TDRD3: variants seen among roughly 807,000 people sequenced by gnomAD.
TDRD3 encodes the protein tudor domain-containing protein 3.
Under a neutral mutation model 86.7 loss-of-function variants are expected in TDRD3, and 45 were observed. The ratio of observed to expected loss-of-function variants is 0.52; its 90% CI spans 0.41 to 0.67. The LOEUF is 0.67. TDRD3 is among the 30% of genes least tolerant of loss of function. The pLI is 0.00. For missense variants in TDRD3, 814 were observed against 889.0 expected (o/e 0.92, Z 1.07); for synonymous variants, 298 against 301.7 (o/e 0.99, Z 0.13).
intron 2 of TDRD3, among the ~76,000 whole-genome samples, chr13:60,442,730 T>C (rs78234344): frequency 0.11 from 17,113 of 152,074 alleles, 1,289 homozygotes; most frequent in African/African-American, 0.21. Flanking sequence ...AGTCTTTTTT[T>C]AGCCTGACAA....
chr13:60,545,984 G>A (rs920346238), intron 12 of TDRD3, among the ~76,000 whole-genome samples: 9 of 151,472 alleles, frequency 5.9e-5, no homozygotes, highest in Admixed American at 6.6e-5. Context: ...CATCTTATGC[G>A]TGTCATGTGG....
At chr13:60,411,377 A>T (rs112251420) in intron 1 of TDRD3, among the ~76,000 whole-genome samples, 4 of 152,344 alleles carry the variant, frequency 2.6e-5, no homozygotes, top group Non-Finnish European at 4.4e-5. Context: ...CTGAAGTTTG[A>T]TTATCTTGAA....
At chr13:60,459,558 T>A (rs1955759381) in intron 3 of TDRD3, among the ~76,000 whole-genome samples, 1 of 152,246 alleles carries the variant, frequency 6.6e-6, no homozygotes, top group Non-Finnish European at 1.5e-5. Context: ...TTGGTGGTAT[T>A]GTATGCTTCA....
At chr13:60,490,410 G>T (rs113787174) in intron 7 of TDRD3, among the ~76,000 whole-genome samples, 1 of 152,180 alleles carries the variant, frequency 6.6e-6, no homozygotes, top group Admixed American at 6.5e-5. Flanking sequence ...AGAAACAGCG[G>T]AGTGGCCAGT....
chr13:60,559,692 A>G (rs1007097254), intron 12 of TDRD3, among the ~76,000 whole-genome samples: 1 of 152,194 alleles, frequency 6.6e-6, no homozygotes, highest in Non-Finnish European at 1.5e-5. Flanking sequence ...AAAATAGTCA[A>G]ACTCATAGAA....
At chr13:60,456,660 AAATT>A (rs1332427087) in intron 3 of TDRD3, among the ~76,000 whole-genome samples, 5 of 152,024 alleles carry the variant, frequency 3.3e-5, no homozygotes, top group African/African-American at 4.8e-5. Context: ...AAAGATTTAG[AAATT>A]AATTCTTGTC....
At chr13:60,459,108 ACTC>A (rs1170271003) in intron 3 of TDRD3, among the ~76,000 whole-genome samples, 1 of 152,168 alleles carries the variant, frequency 6.6e-6, no homozygotes, top group African/African-American at 2.4e-5. Context: ...TAACAAAATT[ACTC>A]CTTTTTTAGG....
chr13:60,566,100 G>A (rs1007397320), intron 12 of TDRD3, among the ~76,000 whole-genome samples: 1 of 152,002 alleles, frequency 6.6e-6, no homozygotes, highest in African/African-American at 2.4e-5. Flanking sequence ...ATTAATTTTT[G>A]GCTATTGGCT....
intron 1 of TDRD3, among the ~76,000 whole-genome samples, chr13:60,428,283 A>G (rs1014875378): frequency 3.3e-5 from 5 of 151,202 alleles, no homozygotes; most frequent in Admixed American, 6.6e-5. Context: ...TTCTGTAAAG[A>G]CTGTCTCTAA....
In TDRD3 at chr13:60,528,503, G is replaced by A. The variant is rs749268770; in HGVS notation, c.1278G>A (p.Pro426=). 1.5e-5 allele frequency: 25 copies of A among 1,613,704 alleles called. No individual in the cohort carries two copies. The highest frequency in any genetic ancestry group is 3.3e-5 in the Admixed American group (2 of 59,954). Residue 426 remains proline, a synonymous_variant, in exon 11 of 14, where the codon CCG becomes CCA. Coordinates refer to ENST00000377881, the MANE Select transcript of TDRD3 (RefSeq NM_001146070.2). ...NDTRQPRNEK[P]PRFQRDSQNS... The stretch of plus-strand genomic sequence containing the variant: ...CCAGGCAGCCAAGAAATGAAAAACC[G>A]CCTCGTTTTCAAAGAGACTCCCAAA...
intron 5 of TDRD3, among the ~76,000 whole-genome samples, chr13:60,479,929 G>A (rs1776260537): frequency 6.6e-6 from 1 of 152,152 alleles, no homozygotes; most frequent in African/African-American, 2.4e-5. Flanking sequence ...ACAGCAAACA[G>A]TTGAGTCTTG....
chr13:60,513,586 C>G (rs1957104743), intron 10 of TDRD3, among the ~76,000 whole-genome samples: 1 of 152,164 alleles, frequency 6.6e-6, no homozygotes, highest in Admixed American at 6.5e-5. Flanking sequence ...CAAATCTCAT[C>G]TTGAATTCCC....
chr13:60,429,336 A>G (rs547665057), intron 1 of TDRD3, among the ~76,000 whole-genome samples: 2 of 152,290 alleles, frequency 1.3e-5, no homozygotes, highest in South Asian at 2.1e-4. Context: ...TTAACTGCCT[A>G]TGATAATTGA....
chr13:60,419,534 A>G (rs1954605339), intron 1 of TDRD3, among the ~76,000 whole-genome samples: 1 of 152,164 alleles, frequency 6.6e-6, no homozygotes, highest in Non-Finnish European at 1.5e-5. Flanking sequence ...ATAGGAACAG[A>G]AAAACCAAAC....
intron 8 of TDRD3, among the ~76,000 whole-genome samples, chr13:60,502,524 C>T (rs1956855524): frequency 6.6e-6 from 1 of 152,032 alleles, no homozygotes; most frequent in Non-Finnish European, 1.5e-5. Flanking sequence ...ATGATTATTT[C>T]TATATAGGCC....
chr13:60,537,946 T>G (rs2137828888), intron 12 of TDRD3: 1 of 152,144 alleles, frequency 6.6e-6, no homozygotes, highest in South Asian at 2.1e-4. Context: ...AAAGCCTTTG[T>G]AGAAAATTAG....
chr13:60,475,875 T>C (rs1274918840), intron 5 of TDRD3, among the ~76,000 whole-genome samples: 1 of 152,188 alleles, frequency 6.6e-6, no homozygotes, highest in Non-Finnish European at 1.5e-5. Context: ...CCTTTGCCTA[T>C]TCTTTAATGA....
At chr13:60,425,282 A>G (rs1243165427) in intron 1 of TDRD3, among the ~76,000 whole-genome samples, 1 of 152,228 alleles carries the variant, frequency 6.6e-6, no homozygotes, top group South Asian at 2.1e-4. Context: ...ACGAATGATC[A>G]GGGACATGCA....
At chr13:60,533,819 G>C (rs1383309538) in intron 11 of TDRD3, among the ~76,000 whole-genome samples, 1 of 151,970 alleles carries the variant, frequency 6.6e-6, no homozygotes, top group East Asian at 1.9e-4. Context: ...CTGAAAGATT[G>C]TTCCAATCAG....
Sources: gnomAD v4.1 joint callset for allele counts (sites outside exome capture counted in the v4.1 genomes callset) on GRCh38, gnomAD v4.1.1 for gene constraint, MANE v1.5 for transcripts, NCBI Gene and HGNC (gene_info 2026-07-23, HGNC 2026-07-21) for gene names.